Variants in CORIN observed in about 807,000 individuals in gnomAD.
The protein encoded by CORIN is atrial natriuretic peptide-converting enzyme.
Under a neutral mutation model 125.3 loss-of-function variants are expected in CORIN, and 117 were observed. The ratio of observed to expected loss-of-function variants is 0.93; its 90% CI spans 0.80 to 1.09. The LOEUF is 1.09. Among genes scored for constraint, CORIN ranks in the 50% least tolerant of loss-of-function variants. CORIN has a pLI of 0.00. For synonymous variants in CORIN, 450 were observed against 466.4 expected, an observed-to-expected ratio of 0.96 and a Z score of 0.45; for missense variants, 1,253 against 1,306.7, an observed-to-expected ratio of 0.96 and a Z score of 0.63.
At chr4:47,833,212 C>T (rs1419869327) in intron 1 of CORIN, among the ~76,000 whole-genome samples, 2 of 151,686 alleles carry the variant, frequency 1.3e-5, no homozygotes, top group Non-Finnish European at 2.9e-5. Flanking sequence ...CATATGAAAA[C>T]AGCCATATGG....
At chr4:47,642,422 C>T (rs1293159386) in intron 15 of CORIN, among the ~76,000 whole-genome samples, 5 of 152,282 alleles carry the variant, frequency 3.3e-5, no homozygotes, top group East Asian at 1.9e-4. Context: ...AGAAAGTATA[C>T]GAGAACGCAA....
chr4:47,677,834 T>C, intron 9 of CORIN, 104 bp downstream of exon 9: 1 of 788,362 alleles, frequency 1.3e-6, no homozygotes, highest in Non-Finnish European at 2.2e-6. Context: ...AATCTGGGAT[T>C]ATTTACATGG....
At chr4:47,706,522 C>G (rs1426535987) in intron 5 of CORIN, 5 of 1,611,408 alleles carry the variant, frequency 3.1e-6, no homozygotes, top group Non-Finnish European at 4.2e-6. Flanking sequence ...AGCGCGCCAA[C>G]TGGGCTACAA....
intron 2 of CORIN, among the ~76,000 whole-genome samples, chr4:47,805,228 T>C (rs1368413855): frequency 6.6e-6 from 1 of 151,788 alleles, no homozygotes; most frequent in Non-Finnish European, 1.5e-5. Flanking sequence ...TGTGACAAAG[T>C]ATAAATGCTT....
In CORIN at chr4:47,683,764, C is replaced by T. The variant is rs756558449; in HGVS notation, c.988G>A (p.Asp330Asn). Reference protein sequence around the residue: ...NYSLVCDGYDDCGDLSDEQNC... With the variant: ...NYSLVCDGYDNCGDLSDEQNC... ...TGCTCATCACTCAAATCCCCACAGT[C>T]ATCATATCCATCACACACAAGGCTG... The change falls in exon 7 of 22, where the codon GAC becomes AAC. Residue 330 changes from aspartate (D) to asparagine (N), a missense_variant. Coordinates refer to ENST00000273857, the MANE Select transcript of CORIN (RefSeq NM_006587.4). 1.9e-6 allele frequency: 3 copies of T among 1,613,736 alleles called. No homozygotes were observed. The South Asian group carries it at 3.3e-5, about 18-fold the overall frequency.
At position 47,661,737 on chromosome 4, in the gene CORIN, C is replaced by A. The variant is rs1004818049; in HGVS notation, c.1709G>T (p.Cys570Phe). The A allele has an allele frequency of 6.2e-7, 1 of 1,612,586 alleles. No homozygotes were observed. Among genetic ancestry groups the A allele is most frequent in the African/African-American group, 1.3e-5 (1 of 74,890 alleles). Residue 570 changes from cysteine (C) to phenylalanine (F), a missense_variant, in exon 12 of 22, where the codon TGC becomes TTC. By Grantham distance (205) the Cys-to-Phe change is radical. Coordinates refer to ENST00000273857, the MANE Select transcript of CORIN (RefSeq NM_006587.4). Reference protein sequence around the residue: ...FPEENSDNQTCLMPDEYVEEC... With the variant: ...FPEENSDNQTFLMPDEYVEEC... ...TTCCACATATTCATCAGGCATCAGGCAGGTTTGATTGTCTGAATTTTCCTC... is the reference window on the plus strand; with the variant it reads ...TTCCACATATTCATCAGGCATCAGGAAGGTTTGATTGTCTGAATTTTCCTC...
At chr4:47,807,656 C>T (rs940101742) in intron 1 of CORIN, among the ~76,000 whole-genome samples, 1 of 152,194 alleles carries the variant, frequency 6.6e-6, no homozygotes, top group African/African-American at 2.4e-5. Context: ...CTCGGCTGCC[C>T]ATGCTACCCC....
chr4:47,613,610 A>G (rs888483166), intron 19 of CORIN, among the ~76,000 whole-genome samples: 1 of 151,794 alleles, frequency 6.6e-6, no homozygotes, highest in African/African-American at 2.4e-5. Flanking sequence ...CATATACACC[A>G]TGGAATACTA....
intron 11 of CORIN, among the ~76,000 whole-genome samples, chr4:47,664,382 T>C (rs1724378714): frequency 6.6e-6 from 1 of 152,164 alleles, no homozygotes. Context: ...ATCCTTATTC[T>C]ACATGTAAAG....
At chr4:47,708,981 C>T (rs1206513356) in intron 5 of CORIN, among the ~76,000 whole-genome samples, 1 of 152,180 alleles carries the variant, frequency 6.6e-6, no homozygotes, top group East Asian at 1.9e-4. Flanking sequence ...TTGTAGCTAT[C>T]AGCTACAAGT....
In CORIN at chr4:47,595,040, A is replaced by G. The variant is rs61758583; in HGVS notation, c.*681T>C. On this transcript the variant is annotated 3_prime_UTR_variant, in exon 22 of 22. Coordinates refer to ENST00000273857, the MANE Select transcript of CORIN (RefSeq NM_006587.4). Reference sequence around the variant, plus strand: ...CACTGGTCTTTTATTGCTGTCTTTTATCAGTTCTCAGAATTATGCAAACAT... The same window carrying G: ...CACTGGTCTTTTATTGCTGTCTTTTGTCAGTTCTCAGAATTATGCAAACAT... 6.6e-6 allele frequency: 1 copy of G among 152,302 alleles called. No homozygotes were observed. Among genetic ancestry groups the G allele is most frequent in the Non-Finnish European group, 1.5e-5 (1 of 68,020 alleles). 9.4% of individuals were successfully genotyped at this position (152,302 alleles called of 1,614,324 possible). A position where few individuals can be genotyped will look rare whatever the true frequency, so the allele number is the denominator to read the frequency against.
intron 5 of CORIN, 142 bp from the exon 6 acceptor site, chr4:47,693,225 T>A (rs557014830): frequency 1.6e-6 from 1 of 631,584 alleles, no homozygotes; most frequent in Non-Finnish European, 2.8e-6. Context: ...TTGTCATCAA[T>A]TTTTCTTTGG....
intron 5 of CORIN, among the ~76,000 whole-genome samples, chr4:47,696,687 T>G (rs1034445931): frequency 2.0e-5 from 3 of 152,200 alleles, no homozygotes; most frequent in Admixed American, 6.5e-5. Flanking sequence ...GACTTCAGAA[T>G]GACATGGATC....
chr4:47,595,861 G>A lies in CORIN; in HGVS notation c.2989C>T (p.Arg997Trp), dbSNP rs149439710. The change falls in exon 22 of 22, where the codon CGG becomes TGG. Residue 997 changes from arginine (R) to tryptophan (W), a missense_variant. Arg to Trp is a moderately radical substitution (Grantham distance 101, BLOSUM62 -3). Transcript: ENST00000273857. ...GAAGTTAATCCAAATAATGTCCACCGTCCTCCAGGCTTCTCACAAACAAGA... is the reference window on the plus strand; with the variant it reads ...GAAGTTAATCCAAATAATGTCCACCATCCTCCAGGCTTCTCACAAACAAGA... ...GPLVCEKPGG[R>W]WTLFGLTSWG... 8.9e-5 allele frequency: 143 copies of A among 1,613,142 alleles called. No individual in the cohort carries two copies. The highest frequency in any genetic ancestry group is 8.2e-4 in the Middle Eastern group (5 of 6,072).
intron 10 of CORIN, among the ~76,000 whole-genome samples, chr4:47,666,790 A>C (rs1724505087): frequency 6.6e-6 from 1 of 152,184 alleles, no homozygotes. Flanking sequence ...CAGCATCCTG[A>C]TCCTGCACTT....
At chr4:47,675,455 T>A (rs1230529171) in intron 9 of CORIN, among the ~76,000 whole-genome samples, 1 of 152,218 alleles carries the variant, frequency 6.6e-6, no homozygotes, top group African/African-American at 2.4e-5. Flanking sequence ...ACTCTTTTTT[T>A]AATGTCAGCA....
chr4:47,785,700 T>C (rs1226449611), intron 3 of CORIN, among the ~76,000 whole-genome samples: 1 of 151,660 alleles, frequency 6.6e-6, no homozygotes, highest in Non-Finnish European at 1.5e-5. Flanking sequence ...GATCATGAGG[T>C]TAGGAGTTCA....
chr4:47,781,550 C>T (rs970222754), intron 3 of CORIN, among the ~76,000 whole-genome samples: 1 of 152,112 alleles, frequency 6.6e-6, no homozygotes, highest in Admixed American at 6.5e-5. Context: ...TCTATAGGTT[C>T]GATGTATTAA....
chr4:47,605,831 G>A (rs536517459), intron 19 of CORIN, among the ~76,000 whole-genome samples: 11 of 152,126 alleles, frequency 7.2e-5, no homozygotes, highest in Middle Eastern at 3.4e-3. Flanking sequence ...TTCTTGGCAC[G>A]CCTTTCTTTA....
Sources: gnomAD v4.1 joint callset for allele counts (sites outside exome capture counted in the v4.1 genomes callset) on GRCh38, gnomAD v4.1.1 for gene constraint, MANE v1.5 for transcripts, NCBI Gene and HGNC (gene_info 2026-07-23, HGNC 2026-07-21) for gene names.